The following FRMD4A variants were observed in gnomAD, a reference collection of about 807,000 sequenced individuals.
FRMD4A encodes FERM domain-containing protein 4A.
FRMD4A carries 29 observed loss-of-function variants against 129.1 expected under a neutral mutation model. The observed-to-expected ratio is 0.22, with a 90% CI of 0.17 to 0.31. FRMD4A has a LOEUF of 0.31. FRMD4A is among the 10% of genes least tolerant of loss of function. FRMD4A has a pLI of 1.00. For synonymous variants in FRMD4A, 634 were observed against 571.6 expected (o/e 1.11, Z -1.56); for missense variants, 1,272 against 1,375.8 (o/e 0.92, Z 1.19).
At chr10:13,815,885 C>T (rs1416937884) in intron 3 of FRMD4A, among the ~76,000 whole-genome samples, 3 of 152,130 alleles carry the variant, frequency 2.0e-5, no homozygotes, top group African/African-American at 2.4e-5. Context: ...TAATGGATAC[C>T]ACCATGGAAG....
At chr10:13,918,342 C>G (rs1360312982) in intron 2 of FRMD4A, among the ~76,000 whole-genome samples, 1 of 152,130 alleles carries the variant, frequency 6.6e-6, no homozygotes, top group Non-Finnish European at 1.5e-5. Context: ...TAGCCCCCAG[C>G]TCTGATATTA....
intron 2 of FRMD4A, among the ~76,000 whole-genome samples, chr10:14,002,898 C>T (rs557015166): frequency 2.0e-5 from 3 of 152,180 alleles, no homozygotes; most frequent in South Asian, 4.2e-4. Flanking sequence ...GAGCAAGCTC[C>T]GTAGTTTGGA....
At chr10:14,109,987 C>CAA (rs113296482) in intron 2 of FRMD4A, among the ~76,000 whole-genome samples, 2 of 117,556 alleles carry the variant, frequency 1.7e-5, no homozygotes, top group Admixed American at 8.9e-5. Flanking sequence ...CCAAACCCAC[C>CAA]AAAAAAAAAA....
intron 2 of FRMD4A, among the ~76,000 whole-genome samples, chr10:14,020,893 C>A (rs549466149): frequency 2.3e-4 from 35 of 152,216 alleles, no homozygotes; most frequent in African/African-American, 8.4e-4. Context: ...TGATGGATTG[C>A]AGCAGGCGAC....
In FRMD4A at chr10:14,176,466, C is replaced by CTTT. The variant is rs35347674; in HGVS notation, c.45+153589_45+153591dup. Among the ~76,000 whole-genome samples, 131 of 72,852 alleles carry CTTT rather than the reference C, an allele frequency of 1.8e-3. 11 individuals are homozygous for CTTT. Among genetic ancestry groups the CTTT allele is most frequent in the African/African-American group, 6.2e-3 (121 of 19,574 alleles). 47.8% of individuals were successfully genotyped at this position (72,852 alleles called of 152,430 possible). The stretch of plus-strand genomic sequence containing the variant: ...GAGAATCTCATTCCTTCACCTCCAT[C>CTTT]TTTTTTTTTTTTTTTTTTTTTTTTT... On this transcript the variant is annotated intron_variant, in intron 2 of 24. Transcript: ENST00000357447.
chr10:13,828,092 T>A (rs1292890389), intron 3 of FRMD4A, among the ~76,000 whole-genome samples: 1 of 152,212 alleles, frequency 6.6e-6, no homozygotes. Flanking sequence ...CACATTTCCA[T>A]CTTTTTTTCT....
intron 2 of FRMD4A, among the ~76,000 whole-genome samples, chr10:13,966,828 T>C (rs529197837): frequency 6.6e-6 from 1 of 152,338 alleles, no homozygotes; most frequent in Admixed American, 6.5e-5. Context: ...CCAACCCAAA[T>C]GCCCATCAAT....
chr10:13,788,833 C>T (rs200289612), intron 5 of FRMD4A, among the ~76,000 whole-genome samples: 1 of 75,986 alleles, frequency 1.3e-5, no homozygotes, highest in African/African-American at 6.1e-5. Context: ...GTCCCGTCCC[C>T]TTCTTTGACA....
At chr10:13,963,054 A>T (rs1366760877) in intron 2 of FRMD4A, among the ~76,000 whole-genome samples, 1 of 152,212 alleles carries the variant, frequency 6.6e-6, no homozygotes, top group Non-Finnish European at 1.5e-5. Flanking sequence ...ATCCTATTGC[A>T]AAAATATGTT....
chr10:14,093,443 A>T (rs1467700687), intron 2 of FRMD4A, among the ~76,000 whole-genome samples: 1 of 152,102 alleles, frequency 6.6e-6, no homozygotes, highest in Non-Finnish European at 1.5e-5. Context: ...AGAAAGGGAG[A>T]TGGTGGTTAT....
intron 2 of FRMD4A, among the ~76,000 whole-genome samples, chr10:14,090,103 C>G (rs147885091): frequency 6.6e-6 from 1 of 152,118 alleles, no homozygotes; most frequent in African/African-American, 2.4e-5. Context: ...ATATTTATAG[C>G]AGGGATCTAG....
chr10:13,879,760 TC>T (rs1486358174), intron 2 of FRMD4A, among the ~76,000 whole-genome samples: 5 of 33,392 alleles, frequency 1.5e-4, no homozygotes, highest in African/African-American at 3.6e-4. Flanking sequence ...CCCCTCCCCC[TC>T]CCCCTCCTTC....
chr10:14,099,224 T>G (rs1229638960), intron 2 of FRMD4A, among the ~76,000 whole-genome samples: 3 of 152,236 alleles, frequency 2.0e-5, no homozygotes, highest in African/African-American at 7.2e-5. Context: ...TGGTTCAGCT[T>G]TCCTTTTACT....
intron 2 of FRMD4A, among the ~76,000 whole-genome samples, chr10:13,998,220 G>C (rs1324154378): frequency 6.6e-6 from 1 of 152,102 alleles, no homozygotes; most frequent in East Asian, 1.9e-4. Flanking sequence ...ATCTCCAGTG[G>C]TATACTGGAG....
intron 2 of FRMD4A, among the ~76,000 whole-genome samples, chr10:14,296,450 T>C (rs1025483971): frequency 6.6e-6 from 1 of 152,152 alleles, no homozygotes; most frequent in Non-Finnish European, 1.5e-5. Context: ...GTCCTTCCAG[T>C]GGTCATGTTT....
chr10:13,669,866 C>T (rs1472972585), intron 17 of FRMD4A, among the ~76,000 whole-genome samples: 1 of 152,184 alleles, frequency 6.6e-6, no homozygotes, highest in Non-Finnish European at 1.5e-5. Flanking sequence ...GTAGCTTCTC[C>T]AAACACAGAC....
rs146009631 is a variant in FRMD4A at position 14,100,930 on chromosome 10, G to C, written c.45+229128C>G. Among the ~76,000 whole-genome samples the C allele has an allele frequency of 2.5e-3, 388 of 152,176 alleles. 3 individuals are homozygous for C. Among genetic ancestry groups the C allele is most frequent in the South Asian group, 0.019 (90 of 4,820 alleles). On this transcript the variant is annotated intron_variant, in intron 2 of 24. Coordinates refer to ENST00000357447, the MANE Select transcript of FRMD4A (RefSeq NM_018027.5). ...GTGTTAACTTTGTACAAGTCTTTCGGCATCTCAGAGCCCAAGCTTTTGGGT... is the reference window on the plus strand; with the variant it reads ...GTGTTAACTTTGTACAAGTCTTTCGCCATCTCAGAGCCCAAGCTTTTGGGT...
chr10:13,788,405 T>C (rs1355921504), intron 5 of FRMD4A, among the ~76,000 whole-genome samples: 3 of 152,170 alleles, frequency 2.0e-5, no homozygotes, highest in African/African-American at 7.2e-5. Context: ...CCACAAAAAA[T>C]GCTCTTGCCC....
chr10:14,186,956 G>GT (rs563919568), intron 2 of FRMD4A, among the ~76,000 whole-genome samples: 2 of 122,494 alleles, frequency 1.6e-5, no homozygotes, highest in Admixed American at 1.7e-4. Flanking sequence ...CCTCGTCTCT[G>GT]CAAAAAAAAA....
Sources: gnomAD v4.1 joint callset for allele counts (sites outside exome capture counted in the v4.1 genomes callset) on GRCh38, gnomAD v4.1.1 for gene constraint, MANE v1.5 for transcripts, NCBI Gene and HGNC (gene_info 2026-07-23, HGNC 2026-07-21) for gene names.